Variants in DLEC1 observed in about 807,000 individuals in gnomAD.
DLEC1 encodes deleted in lung and esophageal cancer protein 1.
Under a neutral mutation model 198.1 loss-of-function variants are expected in DLEC1, and 146 were observed. The observed-to-expected ratio is 0.74, with a 90% confidence interval of 0.64 to 0.85. DLEC1 has a LOEUF of 0.85. DLEC1 is among the 40% of genes least tolerant of loss of function. The probability of loss-of-function intolerance (pLI) is 0.00; values close to 1 mark genes in which losing one functional copy is unlikely to be tolerated. For synonymous variants in DLEC1, 897 were observed against 866.8 expected, an observed-to-expected ratio of 1.03 and a Z score of -0.61; for missense variants, 2,233 against 2,220.0, an observed-to-expected ratio of 1.01 and a Z score of -0.12.
At chr3:38,083,626 T>A (rs1262902347) in intron 6 of DLEC1, among the ~76,000 whole-genome samples, 1 of 152,100 alleles carries the variant, frequency 6.6e-6, no homozygotes, top group African/African-American at 2.4e-5. Flanking sequence ...GGGCAGGGCA[T>A]TTTCACTTCT....
At chr3:38,105,738 T>C (rs570703908) in intron 19 of DLEC1, among the ~76,000 whole-genome samples, 177 of 152,330 alleles carry the variant, frequency 1.2e-3, no homozygotes, top group African/African-American at 4.2e-3. Flanking sequence ...TGCCTTTTGA[T>C]TGGATTGTTT....
chr3:38,060,071 T>C (rs1696600995), intron 3 of DLEC1, among the ~76,000 whole-genome samples: 1 of 152,218 alleles, frequency 6.6e-6, no homozygotes, highest in South Asian at 2.1e-4. Flanking sequence ...GGCTTCTCCA[T>C]GTGGACTATG....
In DLEC1 at chr3:38,116,891, T is replaced by C. The variant is rs769604301; in HGVS notation, c.4179+2T>C. On this transcript the variant is annotated splice_donor_variant, in intron 29 of 36. Transcript: ENST00000308059. LOFTEE classifies it high-confidence loss of function. Reference sequence around the variant, plus strand: ...TACTGTATCAGCCCCAAGCAGGTGGTGAGTTGGGGTATGGGCTGGGAGCTG... The same window carrying C: ...TACTGTATCAGCCCCAAGCAGGTGGCGAGTTGGGGTATGGGCTGGGAGCTG... 1 of 1,612,542 alleles carries C rather than the reference T, an allele frequency of 6.2e-7. No homozygotes were observed. Among genetic ancestry groups the C allele is most frequent in the Admixed American group, 1.7e-5 (1 of 59,922 alleles).
At chr3:38,118,984 G>T (rs529427956) in intron 33 of DLEC1, among the ~76,000 whole-genome samples, 1 of 152,242 alleles carries the variant, frequency 6.6e-6, no homozygotes, top group Non-Finnish European at 1.5e-5. Flanking sequence ...AGACAGAATG[G>T]CACCCTTGAC....
intron 1 of DLEC1, among the ~76,000 whole-genome samples, chr3:38,043,532 C>A (rs902696497): frequency 6.6e-6 from 1 of 152,182 alleles, no homozygotes; most frequent in Admixed American, 6.5e-5. Flanking sequence ...GTTACTTCTT[C>A]TTAGCCTTCC....
intron 7 of DLEC1, among the ~76,000 whole-genome samples, chr3:38,084,503 GGTAGTAGTAGTAGTGGTA>G (rs1698300169): frequency 1.2e-4 from 1 of 8,070 alleles, no homozygotes; most frequent in Non-Finnish European, 3.3e-4. Context: ...TAGTAGTAGT[GGTAGTAGTAGTAGTGGTA>G]GTAGTAGTAG....
Position 38,056,362 on chromosome 3 carries a change from T to C in DLEC1, c.563-3380T>C, listed in dbSNP as rs528279540. Among the ~76,000 whole-genome samples, 10 of 152,274 alleles carry C rather than the reference T, an allele frequency of 6.6e-5. 1 individual carries two copies. Among genetic ancestry groups the C allele is most frequent in the Admixed American group, 5.2e-4 (8 of 15,304 alleles). On this transcript the variant is annotated intron_variant, in intron 2 of 36. Transcript: ENST00000308059. ...TCTTGCTGTGTTGCCCAGGCTGGAGTGTAGTGGCTCAATCTAGATCCACTG... is the reference window on the plus strand; with the variant it reads ...TCTTGCTGTGTTGCCCAGGCTGGAGCGTAGTGGCTCAATCTAGATCCACTG...
rs777029914 is a variant in DLEC1 at position 38,097,590 on chromosome 3, G to A, written c.2518G>A (p.Glu840Lys). 3.5e-5 allele frequency: 56 copies of A among 1,614,058 alleles called. No individual in the cohort carries two copies. Among genetic ancestry groups the A allele is most frequent in the African/African-American group, 5.3e-5 (4 of 74,906 alleles). ...PTSQDLLCEI[E>K]DSPSPVVLHI... is the part of the protein sequence containing the mutation. ...AAGCCAGGACCTGCTGTGTGAAATC[G>A]AAGACTCGCCCTCGCCAGTGGTGTT... The change falls in exon 17 of 37, where the codon GAA (glutamate) becomes AAA (lysine). Residue 840 changes from glutamate (E) to lysine (K), a missense_variant. By Grantham distance (56) the Glu-to-Lys change is moderately conservative (BLOSUM62 1). Coordinates refer to ENST00000308059, the MANE Select transcript of DLEC1 (RefSeq NM_007335.4).
intron 7 of DLEC1, among the ~76,000 whole-genome samples, chr3:38,084,548 A>AGTAGTGGTT (rs1559430812): frequency 7.1e-4 from 1 of 1,404 alleles, no homozygotes; most frequent in African/African-American, 1.5e-3. Flanking sequence ...TGGTAGTAGT[A>AGTAGTGGTT]GTGGTAGTAG....
At chr3:38,079,035 G>A (rs1697801208) in intron 6 of DLEC1, among the ~76,000 whole-genome samples, 1 of 152,050 alleles carries the variant, frequency 6.6e-6, no homozygotes, top group Admixed American at 6.6e-5. Flanking sequence ...ATTGAGCGGG[G>A]TAAGGGTGAT....
chr3:38,062,655 G>C lies in DLEC1; in HGVS notation c.948G>C (p.Leu316=), dbSNP rs1193706659. 6.2e-7 allele frequency: 1 copy of C among 1,613,976 alleles called. No individual in the cohort carries two copies. Among genetic ancestry groups the C allele is most frequent in the East Asian group, 2.2e-5 (1 of 44,896 alleles). Residue 316 remains leucine (L), a synonymous_variant, in exon 5 of 37, where the codon CTG becomes CTC. Transcript: ENST00000308059. ...RVPQRELDRL[L]LARMESRNHF... is the part of the protein sequence containing the mutation. ...CACAGAGAGAGCTAGACAGACTTCT[G>C]CTTGCCAGAATGGAGAGTCGGAACC...
intron 6 of DLEC1, among the ~76,000 whole-genome samples, chr3:38,079,408 G>A (rs943638665): frequency 4.6e-5 from 7 of 152,122 alleles, no homozygotes; most frequent in Non-Finnish European, 1.0e-4. Context: ...TGAAAATAAG[G>A]TAATGTGGAG....
chr3:38,062,954 T>C lies in DLEC1; in HGVS notation c.1094+153T>C, dbSNP rs562186943. ...GCAGGGCTGCAGGGTCACCCACTGG[T>C]GTGGCCTTTGAACCTTCCCCAGAGT... On this transcript the variant is annotated intron_variant, in intron 5 of 36. Coordinates refer to ENST00000308059, the MANE Select transcript of DLEC1 (RefSeq NM_007335.4). 1.6e-4 allele frequency among the ~76,000 whole-genome samples: 24 copies of C among 152,282 alleles called. No homozygotes were observed. The South Asian group carries it at 4.6e-3, about 29-fold the overall frequency.
intron 23 of DLEC1, among the ~76,000 whole-genome samples, 164 bp from the exon 24 acceptor site, chr3:38,111,513 A>C (rs1332045789): frequency 6.6e-6 from 1 of 152,176 alleles, no homozygotes; most frequent in Non-Finnish European, 1.5e-5. Context: ...AGACCAGAGA[A>C]GGAGGTAAAG....
intron 6 of DLEC1, among the ~76,000 whole-genome samples, chr3:38,077,895 T>C (rs1454825682): frequency 2.0e-5 from 3 of 152,134 alleles, no homozygotes; most frequent in Non-Finnish European, 4.4e-5. Flanking sequence ...CACTGAGAAG[T>C]TATTTCCTCG....
intron 10 of DLEC1, among the ~76,000 whole-genome samples, chr3:38,092,222 A>G (rs1026288702): frequency 7.9e-5 from 12 of 152,252 alleles, no homozygotes; most frequent in Admixed American, 3.3e-4. Flanking sequence ...GCCCTGCAAA[A>G]GAAGGAAATC....
At chr3:38,102,636 G>T (rs1363327827) in intron 19 of DLEC1, among the ~76,000 whole-genome samples, 1 of 152,162 alleles carries the variant, frequency 6.6e-6, no homozygotes, top group Non-Finnish European at 1.5e-5. Flanking sequence ...CTGAGTAAAA[G>T]GGGGTAGATG....
chr3:38,106,755 CAAAAA>C (rs4019982), intron 19 of DLEC1, among the ~76,000 whole-genome samples: 1 of 38,980 alleles, frequency 2.6e-5, no homozygotes, highest in African/African-American at 1.0e-4. Flanking sequence ...GACTCTATCT[CAAAAA>C]AAAAAAAAAA....
At chr3:38,078,462 A>T (rs1012945330) in intron 6 of DLEC1, among the ~76,000 whole-genome samples, 1 of 152,214 alleles carries the variant, frequency 6.6e-6, no homozygotes, top group African/African-American at 2.4e-5. Context: ...ATCCGACTGC[A>T]CTAACCATGC....
Sources: allele counts gnomAD v4.1 joint callset (sites outside exome capture counted in the v4.1 genomes callset), GRCh38; gene constraint gnomAD v4.1.1; transcripts MANE v1.5; gene names NCBI Gene and HGNC (gene_info 2026-07-23, HGNC 2026-07-21).